Variants in CREB5 observed in about 807,000 individuals in gnomAD.
The protein encoded by CREB5 is cAMP responsive element binding protein 5.
Under a neutral mutation model 57.1 loss-of-function variants are expected in CREB5, and 19 were observed. The observed-to-expected ratio is 0.33, with a 90% CI of 0.23 to 0.49. The LOEUF is 0.49. Ranked by LOEUF, CREB5 falls within the 20% of genes least tolerant of loss-of-function variation. The pLI is 0.99. For synonymous variants in CREB5, 238 were observed against 238.3 expected, an observed-to-expected ratio of 1.00 and a Z score of 0.01; for missense variants, 579 against 671.6, an observed-to-expected ratio of 0.86 and a Z score of 1.52.
At chr7:28,359,618 T>C (rs1008391863) in intron 1 of CREB5, among the ~76,000 whole-genome samples, 5 of 76,120 alleles carry the variant, frequency 6.6e-5, no homozygotes, top group Non-Finnish European at 1.4e-4. Context: ...GTAAAACTAC[T>C]AGAAGAAAAC....
intron 3 of CREB5, among the ~76,000 whole-genome samples, chr7:28,505,725 C>T (rs1008651332): frequency 6.6e-6 from 1 of 152,074 alleles, no homozygotes; most frequent in Non-Finnish European, 1.5e-5. Flanking sequence ...CAAGGAAGCT[C>T]GTTTCTTCAT....
At position 28,718,044 on chromosome 7, in the gene CREB5, G is replaced by A. The variant is rs761226955; in HGVS notation, c.465-709G>A. ...CTCAAACTATGTACAATACTCCCCC[G>A]AGGAGTGCTTACCCAAGTCTTGTAG... On this transcript the variant is annotated intron_variant, in intron 5 of 10. Coordinates refer to ENST00000357727, the MANE Select transcript of CREB5 (RefSeq NM_182898.4). 9.9e-5 allele frequency among the ~76,000 whole-genome samples: 15 copies of A among 152,248 alleles called. No homozygotes were observed. The East Asian group carries it at 1.2e-3, about 12-fold the overall frequency.
chr7:28,453,124 A>G (rs564300293), intron 1 of CREB5, among the ~76,000 whole-genome samples: 4 of 152,334 alleles, frequency 2.6e-5, no homozygotes, highest in South Asian at 2.1e-4. Flanking sequence ...AAATTTCTGT[A>G]TATCTTAAAA....
chr7:28,474,260 G>A (rs1790962627), intron 1 of CREB5, among the ~76,000 whole-genome samples: 1 of 152,200 alleles, frequency 6.6e-6, no homozygotes, highest in Admixed American at 6.5e-5. Flanking sequence ...TGGAGAATAA[G>A]TGAGTTTGGA....
intron 8 of CREB5, among the ~76,000 whole-genome samples, chr7:28,807,188 C>T (rs899138882): frequency 6.6e-6 from 1 of 152,190 alleles, no homozygotes; most frequent in Non-Finnish European, 1.5e-5. Context: ...GTGGCTCACG[C>T]CTGTAATCTC....
chr7:28,688,171 C>T (rs73083770), intron 5 of CREB5, among the ~76,000 whole-genome samples: 24,825 of 152,076 alleles, frequency 0.16, 2,301 homozygotes, highest in Admixed American at 0.22. Flanking sequence ...TTACTTCTTG[C>T]TTTTTGGCAA....
At chr7:28,551,971 CTCTT>C (rs1453079556) in intron 4 of CREB5, among the ~76,000 whole-genome samples, 2 of 103,602 alleles carry the variant, frequency 1.9e-5, no homozygotes, top group Non-Finnish European at 3.6e-5. Context: ...TTTTTATTCT[CTCTT>C]TCTCTCTCTC....
intron 4 of CREB5, among the ~76,000 whole-genome samples, chr7:28,567,156 C>T (rs1795516548): frequency 6.6e-6 from 1 of 152,206 alleles, no homozygotes; most frequent in Admixed American, 6.5e-5. Context: ...CAACTCTCAG[C>T]ATCTTCCTTC....
At chr7:28,807,174 T>C (rs1018890250) in intron 8 of CREB5, among the ~76,000 whole-genome samples, 2 of 152,126 alleles carry the variant, frequency 1.3e-5, no homozygotes, top group Non-Finnish European at 2.9e-5. Flanking sequence ...GCTGGCCTGG[T>C]GCGGTGGCTC....
intron 8 of CREB5, among the ~76,000 whole-genome samples, chr7:28,807,048 G>A (rs538535346): frequency 7.9e-5 from 12 of 152,278 alleles, no homozygotes; most frequent in Admixed American, 3.3e-4. Context: ...CAAGGATGAC[G>A]CCTTCACTAG....
intron 7 of CREB5, among the ~76,000 whole-genome samples, chr7:28,753,410 T>C (rs772038776): frequency 6.6e-6 from 1 of 152,098 alleles, no homozygotes; most frequent in African/African-American, 2.4e-5. Flanking sequence ...ACACTCACAA[T>C]TGGTAGAAAT....
chr7:28,474,738 G>A (rs1790987862), intron 1 of CREB5, among the ~76,000 whole-genome samples: 1 of 152,152 alleles, frequency 6.6e-6, no homozygotes, highest in Admixed American at 6.5e-5. Context: ...GTATTGAAAA[G>A]GGGGATAGGA....
At chr7:28,321,348 T>C (rs1323249699) in intron 1 of CREB5, among the ~76,000 whole-genome samples, 1 of 152,168 alleles carries the variant, frequency 6.6e-6, no homozygotes. Flanking sequence ...GGCTATATAA[T>C]TTGTCGAGCA....
At chr7:28,681,761 G>A (rs1800606240) in intron 5 of CREB5, among the ~76,000 whole-genome samples, 2 of 152,210 alleles carry the variant, frequency 1.3e-5, no homozygotes, top group Admixed American at 6.5e-5. Flanking sequence ...CCAGCAAGGA[G>A]ACCATGGAAA....
At chr7:28,434,668 G>A (rs1421082984) in intron 1 of CREB5, among the ~76,000 whole-genome samples, 1 of 152,160 alleles carries the variant, frequency 6.6e-6, no homozygotes, top group East Asian at 1.9e-4. Flanking sequence ...GAGTCATATA[G>A]TCTGAGGTGG....
intron 5 of CREB5, among the ~76,000 whole-genome samples, chr7:28,703,752 C>T (rs1290197471): frequency 6.6e-6 from 1 of 152,194 alleles, no homozygotes; most frequent in East Asian, 1.9e-4. Context: ...ATGAAGCCCA[C>T]CCACATTGGG....
rs78254703 is a variant in CREB5, at chr7:28,447,516, C to T, written c.3+34599C>T. ...AGTCATTTGCCTCAGCTAAGCCCAACCTCCATGATCTTTAGCCATGCTGAG... is the reference window on the plus strand; with the variant it reads ...AGTCATTTGCCTCAGCTAAGCCCAATCTCCATGATCTTTAGCCATGCTGAG... On this transcript the variant is annotated intron_variant, in intron 1 of 10. Transcript: ENST00000357727. Among the ~76,000 whole-genome samples, 1,164 of 152,304 alleles carry T rather than the reference C, an allele frequency of 7.6e-3. 18 individuals carry two copies. The highest frequency in any genetic ancestry group is 0.024 in the African/African-American group (1,008 of 41,560).
At chr7:28,656,255 A>G (rs1483863296) in intron 5 of CREB5, among the ~76,000 whole-genome samples, 3 of 152,226 alleles carry the variant, frequency 2.0e-5, no homozygotes, top group Non-Finnish European at 4.4e-5. Flanking sequence ...TCAACTAAAA[A>G]TAAAAACAAC....
chr7:28,716,130 T>A (rs1034468163), intron 5 of CREB5, among the ~76,000 whole-genome samples: 3 of 152,216 alleles, frequency 2.0e-5, no homozygotes, highest in African/African-American at 7.2e-5. Context: ...TAATTAATTT[T>A]TTCTCTAATT....
Sources: gnomAD v4.1 joint callset for allele counts (sites outside exome capture counted in the v4.1 genomes callset) on GRCh38, gnomAD v4.1.1 for gene constraint, MANE v1.5 for transcripts, NCBI Gene and HGNC (gene_info 2026-07-23, HGNC 2026-07-21) for gene names.